Variants in PDE4D observed in about 807,000 individuals in gnomAD.
PDE4D encodes 3',5'-cyclic-AMP phosphodiesterase 4D.
In PDE4D, 24 loss-of-function variants were observed where a neutral mutation model predicts 87.4. The ratio of observed to expected loss-of-function variants is 0.27; its 90% CI spans 0.20 to 0.39. The LOEUF is 0.39. PDE4D is among the 10% of genes least tolerant of loss of function. PDE4D has a pLI of 1.00. For missense variants in PDE4D, 714 were observed against 1,041.0 expected (o/e 0.69, Z 4.32); for synonymous variants, 384 against 383.2 (o/e 1.00, Z -0.02).
At chr5:59,818,963 G>A (rs1482974824) in intron 1 of PDE4D, among the ~76,000 whole-genome samples, 5 of 152,070 alleles carry the variant, frequency 3.3e-5, no homozygotes, top group Non-Finnish European at 5.9e-5. Context: ...AGGACCATTA[G>A]TAATTTACTG....
chr5:59,050,036 G>A (rs1049236539), intron 5 of PDE4D, among the ~76,000 whole-genome samples: 1 of 152,198 alleles, frequency 6.6e-6, no homozygotes, highest in Non-Finnish European at 1.5e-5. Context: ...ACCCAAGGCA[G>A]GTGGATCACC....
chr5:59,616,936 T>C (rs879856650), intron 1 of PDE4D, among the ~76,000 whole-genome samples: 1,384 of 130,934 alleles, frequency 0.011, 91 homozygotes, highest in Non-Finnish European at 0.017. Context: ...TATATATATA[T>C]ATATATATAT....
rs553141263 is a variant in PDE4D, at chr5:60,203,191, G to A, written c.-89-17504C>T. ...TCATCATGTTGGCCAGGCTGGTCTC[G>A]AACTCCTGATCTCAGGTGATCTACC... On this transcript the variant is annotated intron_variant, in intron 1 of 16. Coordinates refer to the PDE4D transcript ENST00000502484. Among the ~76,000 whole-genome samples the A allele has an allele frequency of 4.6e-5, 7 of 152,148 alleles. No individual in the cohort carries two copies. The South Asian group carries it at 1.5e-3, about 32-fold the overall frequency.
intron 6 of PDE4D, among the ~76,000 whole-genome samples, chr5:59,006,815 A>G (rs2153359724): frequency 6.6e-6 from 1 of 152,278 alleles, no homozygotes; most frequent in East Asian, 1.9e-4. Flanking sequence ...TGCTGTCATT[A>G]TTGACTTTGT....
At chr5:59,985,177 C>T (rs1458306571) in intron 3 of PDE4D, among the ~76,000 whole-genome samples, 3 of 129,680 alleles carry the variant, frequency 2.3e-5, no homozygotes, top group South Asian at 2.8e-4. Flanking sequence ...CTCACTCTGT[C>T]GCCCAGGCTG....
chr5:59,861,210 G>C (rs1228832886), intron 1 of PDE4D, among the ~76,000 whole-genome samples: 1 of 151,896 alleles, frequency 6.6e-6, no homozygotes, highest in Non-Finnish European at 1.5e-5. Context: ...AGAAGCTGTG[G>C]GTTATTTGTT....
At chr5:60,161,159 G>A (rs1045295680) in intron 2 of PDE4D, among the ~76,000 whole-genome samples, 2 of 152,030 alleles carry the variant, frequency 1.3e-5, no homozygotes, top group Admixed American at 6.6e-5. Flanking sequence ...AACTCTCATG[G>A]CTCCTTTCCA....
intron 1 of PDE4D, among the ~76,000 whole-genome samples, chr5:59,220,417 A>G (rs1275242300): frequency 1.3e-5 from 2 of 149,526 alleles, no homozygotes; most frequent in African/African-American, 4.9e-5. Context: ...GACAAAAAAC[A>G]GAGTTAAAAA....
upstream of PDE4D, chr5:60,491,449 GA>G (rs1278524039): frequency 6.6e-6 from 1 of 152,042 alleles, no homozygotes; most frequent in Non-Finnish European, 1.5e-5. Flanking sequence ...CTAAGGCCAT[GA>G]ATATGAAATC....
intron 2 of PDE4D, among the ~76,000 whole-genome samples, chr5:59,200,060 TG>T (rs1746547547): frequency 1.6e-5 from 1 of 62,254 alleles, no homozygotes; most frequent in African/African-American, 4.1e-5. Context: ...CACACATGCA[TG>T]TACACACACG....
chr5:59,555,639 T>C (rs986391955), intron 1 of PDE4D, among the ~76,000 whole-genome samples: 19 of 152,172 alleles, frequency 1.2e-4, no homozygotes, highest in African/African-American at 4.6e-4. Flanking sequence ...CTTACCCCGA[T>C]CTCCAACTTG....
chr5:60,045,988 T>G (rs1055802394), intron 2 of PDE4D, among the ~76,000 whole-genome samples: 7 of 152,228 alleles, frequency 4.6e-5, no homozygotes, highest in East Asian at 1.9e-4. Flanking sequence ...TGATTCTTCC[T>G]ACCCATGAGC....
At chr5:59,846,889 G>A (rs894318452) in intron 1 of PDE4D, among the ~76,000 whole-genome samples, 20 of 152,034 alleles carry the variant, frequency 1.3e-4, no homozygotes, top group African/African-American at 4.6e-4. Context: ...ATGAATTTTT[G>A]TGTAAACTCC....
intron 2 of PDE4D, among the ~76,000 whole-genome samples, chr5:60,114,245 A>T (rs1205274492): frequency 6.6e-6 from 1 of 152,270 alleles, no homozygotes; most frequent in East Asian, 1.9e-4. Context: ...TTTTTACAAG[A>T]TGGCAACTTA....
intron 2 of PDE4D, among the ~76,000 whole-genome samples, chr5:60,018,349 T>G (rs896292028): frequency 1.3e-5 from 2 of 152,138 alleles, no homozygotes; most frequent in Admixed American, 1.3e-4. Flanking sequence ...GGAAGCACTA[T>G]GTAAAGGAGA....
At chr5:59,644,762 T>A (rs776551992) in intron 1 of PDE4D, among the ~76,000 whole-genome samples, 3 of 152,216 alleles carry the variant, frequency 2.0e-5, no homozygotes, top group Admixed American at 6.5e-5. Context: ...TCTCGAGGAC[T>A]ATGCCGAAAA....
At chr5:59,989,883 G>T (rs566076661) in intron 2 of PDE4D, among the ~76,000 whole-genome samples, 1 of 152,182 alleles carries the variant, frequency 6.6e-6, no homozygotes, top group Admixed American at 6.5e-5. Context: ...TATTTGTATT[G>T]ATAGTGTGTT....
intron 5 of PDE4D, among the ~76,000 whole-genome samples, chr5:59,108,862 G>A (rs1175137307): frequency 3.5e-5 from 5 of 143,580 alleles, no homozygotes; most frequent in African/African-American, 1.1e-4. Flanking sequence ...AGTGGAGATC[G>A]CACCACTGCA....
intron 3 of PDE4D, chr5:59,987,684 A>G (rs763838427): frequency 3.9e-5 from 6 of 152,194 alleles, no homozygotes; most frequent in Non-Finnish European, 7.3e-5. Context: ...GAGTCTATCT[A>G]TGTATGGCCC....
Sources: allele counts gnomAD v4.1 joint callset (sites outside exome capture counted in the v4.1 genomes callset), GRCh38; gene constraint gnomAD v4.1.1; transcripts MANE v1.5; gene names NCBI Gene and HGNC (gene_info 2026-07-23, HGNC 2026-07-21).